The following PSMC1 variants were observed in gnomAD, a reference collection of about 807,000 sequenced individuals.
PSMC1 encodes proteasome 26S subunit, ATPase 1, also known as 26S proteasome regulatory subunit 4.
A neutral mutation model predicts 49.8 loss-of-function variants in PSMC1; 5 were observed. That is an observed-to-expected ratio of 0.10 (90% confidence interval 0.05 to 0.21). PSMC1 has a LOEUF of 0.21. Ranked by LOEUF, PSMC1 falls within the 10% of genes least tolerant of loss-of-function variation. The pLI is 1.00. For synonymous variants in PSMC1, 155 were observed against 192.1 expected (o/e 0.81, Z 1.60); for missense variants, 181 against 535.7 (o/e 0.34, Z 6.54).
At chr14:90,260,676 G>GA (rs570078311) in intron 3 of PSMC1, among the ~76,000 whole-genome samples, 367 of 152,280 alleles carry the variant, frequency 2.4e-3, no homozygotes, top group African/African-American at 8.5e-3. Context: ...AGCTTGCAGT[G>GA]AGCTGAGATT....
intron 1 of PSMC1, among the ~76,000 whole-genome samples, chr14:90,256,993 T>G (rs1595037680): frequency 6.6e-6 from 1 of 151,562 alleles, no homozygotes; most frequent in Non-Finnish European, 1.5e-5. Context: ...AGGTGAAGGG[T>G]GCTGGAGAAG....
At chr14:90,268,555 G>T in intron 8 of PSMC1, 142 bp downstream of exon 8, 1 of 756,820 alleles carries the variant, frequency 1.3e-6, no homozygotes. Flanking sequence ...TTTAGGCTCT[G>T]CTCTCCCAGG....
intron 1 of PSMC1, 52 bp downstream of exon 1, chr14:90,256,652 C>T (rs1251138193): frequency 6.4e-7 from 1 of 1,572,328 alleles, no homozygotes; most frequent in Non-Finnish European, 8.6e-7. Flanking sequence ...GATGGGGTCT[C>T]AGCAGCCTGA....
chr14:90,269,740 C>A, intron 9 of PSMC1, 192 bp downstream of exon 9: 1 of 508,998 alleles, frequency 2.0e-6, no homozygotes, highest in South Asian at 4.2e-5. Flanking sequence ...TGCACCTTGG[C>A]CCTTTGAATT....
At chr14:90,267,465 T>G (rs535124865) in intron 7 of PSMC1, 1 of 152,288 alleles carries the variant, frequency 6.6e-6, no homozygotes, top group Non-Finnish European at 1.5e-5. Context: ...AGCTGACTCT[T>G]GTTTTTAACC....
intron 7 of PSMC1, among the ~76,000 whole-genome samples, chr14:90,265,960 C>A (rs1891502454): frequency 6.6e-6 from 1 of 152,076 alleles, no homozygotes; most frequent in South Asian, 2.1e-4. Context: ...AGAAGTGCTA[C>A]TTTAAAAGCT....
At chr14:90,268,580 T>C in intron 8 of PSMC1, 167 bp downstream of exon 8, 1 of 651,730 alleles carries the variant, frequency 1.5e-6, no homozygotes, top group Non-Finnish European at 2.6e-6. Flanking sequence ...AGCTAACAAC[T>C]GCCCAGTAAC....
At chr14:90,265,461 C>T (rs1218706533) in intron 7 of PSMC1, among the ~76,000 whole-genome samples, 3 of 151,640 alleles carry the variant, frequency 2.0e-5, no homozygotes, top group Admixed American at 6.6e-5. Flanking sequence ...GAGGCAGAGG[C>T]GGGTGGATCA....
intron 7 of PSMC1, among the ~76,000 whole-genome samples, chr14:90,266,329 C>T (rs1349652529): frequency 6.6e-6 from 1 of 152,076 alleles, no homozygotes; most frequent in African/African-American, 2.4e-5. Flanking sequence ...CTTAGAAGTT[C>T]ATTGCTGTGC....
At chr14:90,267,383 G>C (rs1891546162) in intron 7 of PSMC1, 1 of 152,232 alleles carries the variant, frequency 6.6e-6, no homozygotes, top group Non-Finnish European at 1.5e-5. Flanking sequence ...TTGAACTTCT[G>C]ACCTCAGGTG....
chr14:90,267,064 A>G (rs1891535148), intron 7 of PSMC1, among the ~76,000 whole-genome samples: 1 of 151,812 alleles, frequency 6.6e-6, no homozygotes, highest in Non-Finnish European at 1.5e-5. Flanking sequence ...TGACCACCAA[A>G]GGATCCCAGG....
At chr14:90,268,456 A>G (rs748253268) in intron 8 of PSMC1, 43 bp downstream of exon 8, 2 of 1,579,346 alleles carry the variant, frequency 1.3e-6, no homozygotes, top group Non-Finnish European at 1.7e-6. Context: ...AGTAGGGAAC[A>G]CCGCATAGCT....
chr14:90,266,687 G>A (rs542870598), intron 7 of PSMC1, among the ~76,000 whole-genome samples: 9 of 152,298 alleles, frequency 5.9e-5, no homozygotes, highest in Non-Finnish European at 8.8e-5. Flanking sequence ...TCAGAGGAGC[G>A]GGCAGCTTGT....
intron 6 of PSMC1, 57 bp downstream of exon 6, chr14:90,264,226 TAG>T: frequency 6.3e-7 from 1 of 1,599,240 alleles, no homozygotes; most frequent in South Asian, 1.1e-5. Flanking sequence ...TTGTCCCATT[TAG>T]GATACTTTGC....
At chr14:90,259,745 C>T (rs964782108) in intron 2 of PSMC1, among the ~76,000 whole-genome samples, 1 of 152,084 alleles carries the variant, frequency 6.6e-6, no homozygotes, top group Non-Finnish European at 1.5e-5. Context: ...TCTCAGCCTC[C>T]CGAGTAGCTG....
At chr14:90,256,740 T>A in intron 1 of PSMC1, 140 bp downstream of exon 1, 1 of 1,394,128 alleles carries the variant, frequency 7.2e-7, no homozygotes, top group East Asian at 2.5e-5. Flanking sequence ...TCTCGGCGGG[T>A]GGAGGCTCCC....
chr14:90,268,175 A>G (rs1891567103), intron 7 of PSMC1, 49 bp from the exon 8 acceptor site: 1 of 1,451,004 alleles, frequency 6.9e-7, no homozygotes, highest in Non-Finnish European at 9.2e-7. Flanking sequence ...TTAAGTTAAA[A>G]TGGCACTTAA....
At chr14:90,260,092 T>TC (rs397767741) in intron 2 of PSMC1, 23 bp from the exon 3 acceptor site, 1 of 1,402,780 alleles carries the variant, frequency 7.1e-7, no homozygotes, top group Admixed American at 2.2e-5. Flanking sequence ...GATTTTTTTT[T>TC]CCTGCTATTC....
chr14:90,264,276 A>G (rs1891462061), intron 6 of PSMC1, 107 bp downstream of exon 6: 3 of 1,469,180 alleles, frequency 2.0e-6, no homozygotes, highest in African/African-American at 2.8e-5. Context: ...TAATCAAACC[A>G]GTAGCTGAGT....
Sources: allele counts gnomAD v4.1 joint callset (sites outside exome capture counted in the v4.1 genomes callset), GRCh38; gene constraint gnomAD v4.1.1; transcripts MANE v1.5; gene names NCBI Gene and HGNC (gene_info 2026-07-23, HGNC 2026-07-21).